Variants in DSC1 observed in about 807,000 individuals in gnomAD.
DSC1 encodes desmocollin 1.
A neutral mutation model predicts 98.8 loss-of-function variants in DSC1; 79 were observed. The ratio of observed to expected loss-of-function variants is 0.80; its 90% CI spans 0.67 to 0.96. The LOEUF (loss-of-function observed/expected upper bound fraction) is 0.96. Among genes scored for constraint, DSC1 ranks in the 50% least tolerant of loss-of-function variants. The pLI, the probability that DSC1 is intolerant of heterozygous loss-of-function variation, is 0.00. For synonymous variants in DSC1, 405 were observed against 372.1 expected (o/e 1.09, Z -1.02); for missense variants, 1,115 against 1,075.9 (o/e 1.04, Z -0.51).
At position 31,140,262 on chromosome 18, in the gene DSC1, C is replaced by T; in HGVS notation, c.1300G>A (p.Val434Ile). The T allele has an allele frequency of 1.2e-6, 2 of 1,613,970 alleles. No individual in the cohort carries two copies. The highest frequency in any genetic ancestry group is 2.2e-5 in the South Asian group (2 of 91,078). Residue 434 changes from valine to isoleucine, a missense_variant, in exon 10 of 16, where the codon GTT becomes ATT. Transcript: ENST00000257198. ...YEVNRQVILQ[V>I]GVINEAQFSK... ...AATTGTGCCTCGTTAATGACACCAA[C>T]TTGCAAAATAACTTGGCGATTGACT...
At position 31,142,136 on chromosome 18, in the gene DSC1, T is replaced by G; in HGVS notation, c.1123A>C (p.Met375Leu). Residue 375 changes from methionine (M) to leucine (L), a missense_variant, in exon 9 of 16, where the codon ATG becomes CTG. Coordinates refer to ENST00000257198, the MANE Select transcript of DSC1 (RefSeq NM_024421.2). ...GGCAAATCCTGATCCTGTACCTTCA[T>G]TCGTAAAATCTCCACGTCAATTCTG... ...ENRIDVEILRMKVQDQDLPNT... is the reference protein window; with the variant it reads ...ENRIDVEILRLKVQDQDLPNT... 6.2e-7 allele frequency: 1 copy of G among 1,613,180 alleles called. No individual in the cohort carries two copies. Among genetic ancestry groups the G allele is most frequent in the Non-Finnish European group, 8.5e-7 (1 of 1,179,720 alleles).
At chr18:31,148,166 A>G (rs1988886072) in intron 6 of DSC1, among the ~76,000 whole-genome samples, 1 of 152,174 alleles carries the variant, frequency 6.6e-6, no homozygotes, top group African/African-American at 2.4e-5. Context: ...GCATTGGTAA[A>G]CCAAACACCA....
chr18:31,154,962 G>T (rs1333660021), intron 4 of DSC1, 33 bp from the exon 5 acceptor site: 2 of 1,602,586 alleles, frequency 1.2e-6, no homozygotes, highest in Non-Finnish European at 8.5e-7. Flanking sequence ...GAACAAATAC[G>T]TCATGATGAA....
At chr18:31,131,329 G>T in intron 15 of DSC1, 2 of 425,990 alleles carry the variant, frequency 4.7e-6, no homozygotes, top group Non-Finnish European at 4.2e-6. Flanking sequence ...AATTTCTAGG[G>T]AAGAGGCTAT....
rs7241456 is a variant in DSC1, at chr18:31,129,780, T to C, written c.*734A>G. On this transcript the variant is annotated 3_prime_UTR_variant, in exon 16 of 16. Transcript: ENST00000257198. ...GGACCTCAGGGCTGCAATTCTTTCATGGAAATCTTCTCATGTAATCTTCAT... is the reference window on the plus strand; with the variant it reads ...GGACCTCAGGGCTGCAATTCTTTCACGGAAATCTTCTCATGTAATCTTCAT... The C allele has an allele frequency of 2.0e-5, 3 of 152,224 alleles. No homozygotes were observed. The highest frequency in any genetic ancestry group is 7.2e-5 in the African/African-American group (3 of 41,456). The allele number at this position is 152,224 out of a possible 1,614,324, so 9.4% of individuals were successfully genotyped here. A position where few individuals can be genotyped will look rare whatever the true frequency, so the allele number is the denominator to read the frequency against.
intron 10 of DSC1, 74 bp from the exon 11 acceptor site, chr18:31,139,964 AATAC>A (rs1988695790): frequency 3.8e-6 from 6 of 1,562,292 alleles, no homozygotes; most frequent in Non-Finnish European, 5.2e-6. Context: ...CATTTTGAAA[AATAC>A]ATAAAACATT....
chr18:31,154,036 C>T (rs1009113284), intron 5 of DSC1, among the ~76,000 whole-genome samples: 1 of 152,220 alleles, frequency 6.6e-6, no homozygotes, highest in East Asian at 1.9e-4. Context: ...GTTTTATTCA[C>T]CACCATTCCA....
At chr18:31,139,640 A>T (rs536691538) in intron 11 of DSC1, 108 bp downstream of exon 11, 1 of 1,173,172 alleles carries the variant, frequency 8.5e-7, no homozygotes, top group South Asian at 2.0e-5. Context: ...ATAAAAATGC[A>T]AACATTGCTT....
chr18:31,135,856 A>G (rs559334125), intron 11 of DSC1, among the ~76,000 whole-genome samples: 95 of 152,278 alleles, frequency 6.2e-4, no homozygotes, highest in African/African-American at 2.1e-3. Flanking sequence ...TGCTTTAAAT[A>G]CTGGTCCACA....
intron 5 of DSC1, among the ~76,000 whole-genome samples, chr18:31,149,964 CA>C (rs936860590): frequency 6.6e-6 from 1 of 151,756 alleles, no homozygotes; most frequent in African/African-American, 2.4e-5. Context: ...ATTCTAAATT[CA>C]GGAGTGGAAT....
intron 5 of DSC1, among the ~76,000 whole-genome samples, chr18:31,149,519 T>G (rs578221329): frequency 2.0e-5 from 3 of 152,306 alleles, no homozygotes; most frequent in South Asian, 4.1e-4. Context: ...CTCTTTTCTA[T>G]TCCCACTGCC....
chr18:31,159,922 C>G (rs575173049), intron 1 of DSC1, among the ~76,000 whole-genome samples: 2 of 152,312 alleles, frequency 1.3e-5, no homozygotes, highest in South Asian at 4.1e-4. Flanking sequence ...CCCTAATTCT[C>G]TAATCATCAT....
intron 9 of DSC1, among the ~76,000 whole-genome samples, chr18:31,141,287 T>C (rs888577799): frequency 1.3e-5 from 2 of 152,012 alleles, no homozygotes; most frequent in Non-Finnish European, 2.9e-5. Context: ...AAGTAGACAG[T>C]ACAATAATTA....
intron 2 of DSC1, among the ~76,000 whole-genome samples, chr18:31,158,419 C>T (rs533063588): frequency 3.9e-4 from 60 of 152,240 alleles, no homozygotes; most frequent in African/African-American, 1.4e-3. Flanking sequence ...TCATATTTAA[C>T]ACATTTAGTG....
chr18:31,136,118 A>G (rs1988603743), intron 11 of DSC1, among the ~76,000 whole-genome samples: 1 of 151,998 alleles, frequency 6.6e-6, no homozygotes, highest in Non-Finnish European at 1.5e-5. Flanking sequence ...CAGAAATAAA[A>G]GAGAGATATA....
intron 7 of DSC1, 23 bp from the exon 8 acceptor site, chr18:31,143,814 A>G: frequency 6.5e-7 from 1 of 1,532,502 alleles, no homozygotes; most frequent in Non-Finnish European, 8.7e-7. Context: ...AAAAAACTAC[A>G]TTAATGAACA....
intron 5 of DSC1, among the ~76,000 whole-genome samples, chr18:31,150,246 CTACCACCACCACCATCATCAT>C (rs1988944949): frequency 7.4e-6 from 1 of 135,406 alleles, no homozygotes; most frequent in Admixed American, 7.8e-5. Context: ...ATCACCACCA[CTACCACCACCACCATCATCAT>C]CACCACTACC....
intron 4 of DSC1, 26 bp from the exon 5 acceptor site, chr18:31,154,955 C>T (rs756364502): frequency 6.2e-7 from 1 of 1,606,650 alleles, no homozygotes; most frequent in South Asian, 1.1e-5. Flanking sequence ...AGGAATAGAA[C>T]AAATACGTCA....
chr18:31,155,343 A>T (rs1215757589), intron 4 of DSC1, among the ~76,000 whole-genome samples: 1 of 152,180 alleles, frequency 6.6e-6, no homozygotes, highest in Non-Finnish European at 1.5e-5. Flanking sequence ...GAATTAGAAA[A>T]TTTTGGCCGG....
Sources: gnomAD v4.1 joint callset for allele counts (sites outside exome capture counted in the v4.1 genomes callset) on GRCh38, gnomAD v4.1.1 for gene constraint, MANE v1.5 for transcripts, NCBI Gene and HGNC (gene_info 2026-07-23, HGNC 2026-07-21) for gene names.